The following ZNF407 variants were observed in gnomAD, a reference collection of about 807,000 sequenced individuals.
ZNF407 encodes zinc finger protein 407.
In ZNF407, 17 loss-of-function variants were observed where a neutral mutation model predicts 131.2. The observed-to-expected ratio is 0.13, with a 90% CI of 0.09 to 0.19. ZNF407 has a LOEUF of 0.19. Among genes scored for constraint, ZNF407 ranks in the 10% least tolerant of loss-of-function variants. The pLI is 1.00. For synonymous variants in ZNF407, 1,156 were observed against 1,062.0 expected (o/e 1.09, Z -1.72); for missense variants, 2,681 against 2,830.6 (o/e 0.95, Z 1.20).
chr18:74,953,035 A>T (rs1188942999), intron 8 of ZNF407, among the ~76,000 whole-genome samples: 1 of 152,102 alleles, frequency 6.6e-6, no homozygotes, highest in African/African-American at 2.4e-5. Context: ...GTTTCTTCTG[A>T]CTCTGACGGA....
At chr18:75,037,984 ATC>A (rs1235911283) in intron 8 of ZNF407, among the ~76,000 whole-genome samples, 2 of 152,226 alleles carry the variant, frequency 1.3e-5, no homozygotes, top group East Asian at 1.9e-4. Context: ...AATAATTAAC[ATC>A]TCTCTTTATA....
At chr18:74,929,170 G>GA (rs972796383) in intron 8 of ZNF407, among the ~76,000 whole-genome samples, 9 of 151,922 alleles carry the variant, frequency 5.9e-5, no homozygotes, top group African/African-American at 1.9e-4. Context: ...CTTTTTTCCA[G>GA]AAAAAAACTA....
At chr18:74,985,482 C>T (rs1345603495) in intron 8 of ZNF407, among the ~76,000 whole-genome samples, 2 of 152,156 alleles carry the variant, frequency 1.3e-5, no homozygotes, top group East Asian at 3.9e-4. Flanking sequence ...CTTTGAGTTC[C>T]TGGCTAATTA....
intron 3 of ZNF407, among the ~76,000 whole-genome samples, chr18:74,743,961 A>G (rs1449201277): frequency 6.6e-6 from 1 of 152,156 alleles, no homozygotes; most frequent in Non-Finnish European, 1.5e-5. Flanking sequence ...TTAGAATAAC[A>G]TAAATACTGT....
chr18:74,696,927 A>G (rs1967372680), intron 3 of ZNF407, among the ~76,000 whole-genome samples: 1 of 152,206 alleles, frequency 6.6e-6, no homozygotes, highest in African/African-American at 2.4e-5. Flanking sequence ...CACATAAAAA[A>G]CAAATAAAAA....
intron 8 of ZNF407, among the ~76,000 whole-genome samples, chr18:74,976,524 T>C (rs75789222): frequency 0.041 from 6,315 of 152,272 alleles, 416 homozygotes; most frequent in African/African-American, 0.14. Flanking sequence ...TTAGGGCAAT[T>C]GGCACAAAGA....
intron 4 of ZNF407, among the ~76,000 whole-genome samples, chr18:74,833,777 CAG>C (rs1325907960): frequency 2.6e-5 from 4 of 152,134 alleles, no homozygotes; most frequent in Non-Finnish European, 5.9e-5. Context: ...GTGGTGGAGA[CAG>C]AGCCGTGGTG....
intron 4 of ZNF407, among the ~76,000 whole-genome samples, chr18:74,848,587 T>G (rs1970734309): frequency 6.6e-6 from 1 of 152,118 alleles, no homozygotes; most frequent in Non-Finnish European, 1.5e-5. Context: ...AGAATGTAAA[T>G]TTGATAAAAT....
At chr18:74,810,008 G>A (rs536681981) in intron 4 of ZNF407, among the ~76,000 whole-genome samples, 1 of 152,304 alleles carries the variant, frequency 6.6e-6, no homozygotes, top group South Asian at 2.1e-4. Flanking sequence ...ACTGTGAGAG[G>A]AACTCATTTT....
intron 1 of ZNF407, among the ~76,000 whole-genome samples, chr18:74,623,522 C>T (rs1207199640): frequency 2.0e-5 from 3 of 152,210 alleles, no homozygotes; most frequent in Non-Finnish European, 4.4e-5. Flanking sequence ...AAATGTCATG[C>T]ATGCCGCCCT....
intron 7 of ZNF407, among the ~76,000 whole-genome samples, chr18:74,895,477 T>C (rs922126141): frequency 6.6e-6 from 1 of 152,168 alleles, no homozygotes; most frequent in African/African-American, 2.4e-5. Flanking sequence ...TTGCCAAACA[T>C]ACTTTTAATT....
chr18:75,058,876 A>G (rs1250822555), intron 8 of ZNF407, among the ~76,000 whole-genome samples: 3 of 152,252 alleles, frequency 2.0e-5, no homozygotes, highest in Non-Finnish European at 4.4e-5. Flanking sequence ...TTAATTCATC[A>G]TGGTTGAAAT....
At position 75,064,413 on chromosome 18, in the gene ZNF407, C is replaced by T. The variant is rs376422062; in HGVS notation, c.6692C>T (p.Ser2231Leu). ...GTCATCTACACCCAGGAGGGCTCCT[C>T]GGCCGCGGCGGCAATTCAGAGCCAA... ...SVVIYTQEGS[S>L]AAAAIQSQRE... Residue 2231 changes from serine (S) to leucine (L), a missense_variant, in exon 9 of 9, where the codon TCG becomes TTG. Transcript: ENST00000299687. The T allele has an allele frequency of 5.4e-5, 82 of 1,526,008 alleles. No individual in the cohort carries two copies. Among genetic ancestry groups the T allele is most frequent in the Non-Finnish European group, 6.5e-5 (74 of 1,137,854 alleles). 94.5% of individuals were successfully genotyped at this position (1,526,008 alleles called of 1,614,324 possible).
chr18:74,755,159 C>G (rs1968898917), intron 3 of ZNF407, among the ~76,000 whole-genome samples: 1 of 80,880 alleles, frequency 1.2e-5, no homozygotes, highest in Admixed American at 1.5e-4. Context: ...TTATCAGAGA[C>G]TAGGATTGCA....
intron 4 of ZNF407, among the ~76,000 whole-genome samples, chr18:74,807,371 G>A (rs1418694471): frequency 6.6e-6 from 1 of 152,026 alleles, no homozygotes; most frequent in African/African-American, 2.4e-5. Context: ...ACATGAGCAG[G>A]GTCCCGAGAG....
chr18:74,809,850 T>G (rs1332548333), intron 4 of ZNF407, among the ~76,000 whole-genome samples: 1 of 152,180 alleles, frequency 6.6e-6, no homozygotes, highest in African/African-American at 2.4e-5. Context: ...ATGACTGTAG[T>G]TAGCACCACA....
At chr18:74,888,015 C>G (rs184976372) in intron 6 of ZNF407, among the ~76,000 whole-genome samples, 80 of 152,228 alleles carry the variant, frequency 5.3e-4, no homozygotes, top group Admixed American at 2.2e-3. Flanking sequence ...TTCTAATTTT[C>G]AGGACAGATA....
intron 4 of ZNF407, among the ~76,000 whole-genome samples, chr18:74,826,869 A>T (rs910680961): frequency 6.6e-6 from 1 of 152,210 alleles, no homozygotes; most frequent in Admixed American, 6.5e-5. Flanking sequence ...GATCATTTTC[A>T]AACTCCCTGT....
At chr18:74,845,885 T>C (rs1297168601) in intron 4 of ZNF407, among the ~76,000 whole-genome samples, 1 of 152,192 alleles carries the variant, frequency 6.6e-6, no homozygotes, top group Non-Finnish European at 1.5e-5. Context: ...ACCAACTGAT[T>C]ATGTAAGTTA....
Sources: gnomAD v4.1 joint callset for allele counts (sites outside exome capture counted in the v4.1 genomes callset) on GRCh38, gnomAD v4.1.1 for gene constraint, MANE v1.5 for transcripts, NCBI Gene and HGNC (gene_info 2026-07-23, HGNC 2026-07-21) for gene names.